The following LARP1 variants were observed in gnomAD, a reference collection of about 807,000 sequenced individuals.
The protein encoded by LARP1 is La ribonucleoprotein 1, translational regulator.
In LARP1, 36 loss-of-function variants were observed where a neutral mutation model predicts 122.7. The ratio of observed to expected loss-of-function variants is 0.29; its 90% CI spans 0.22 to 0.39. The LOEUF is 0.39. Among genes scored for constraint, LARP1 ranks in the 10% least tolerant of loss-of-function variants. The probability of loss-of-function intolerance (pLI) is 1.00; values close to 1 mark genes in which losing one functional copy is unlikely to be tolerated. For missense variants in LARP1, 1,040 were observed against 1,403.6 expected (o/e 0.74, Z 4.14); for synonymous variants, 539 against 528.7 (o/e 1.02, Z -0.27).
At chr5:154,685,928 G>T in intron 1 of LARP1, 1 of 483,044 alleles carries the variant, frequency 2.1e-6, no homozygotes, top group South Asian at 1.6e-5. Flanking sequence ...AAGCTACCTC[G>T]TGATTCGGTT....
At chr5:154,697,316 G>A (rs1276917205) in intron 1 of LARP1, among the ~76,000 whole-genome samples, 1 of 151,750 alleles carries the variant, frequency 6.6e-6, no homozygotes, top group African/African-American at 2.4e-5. Flanking sequence ...AGAGAGTTTG[G>A]GATTCCAAGA....
At chr5:154,764,580 A>G (rs1236538892) in intron 1 of LARP1, among the ~76,000 whole-genome samples, 1 of 119,584 alleles carries the variant, frequency 8.4e-6, no homozygotes, top group African/African-American at 3.3e-5. Flanking sequence ...TAGGCAATGC[A>G]GTGAGACCAT....
intron 10 of LARP1, among the ~76,000 whole-genome samples, chr5:154,801,195 T>C (rs562058655): frequency 2.8e-4 from 42 of 152,336 alleles, no homozygotes; most frequent in African/African-American, 1.0e-3. Flanking sequence ...AACAAATAGT[T>C]TTTCTTTGCT....
At chr5:154,776,347 G>C (rs768707039) in intron 1 of LARP1, among the ~76,000 whole-genome samples, 4 of 152,180 alleles carry the variant, frequency 2.6e-5, no homozygotes, top group Non-Finnish European at 5.9e-5. Flanking sequence ...CCTCATATCT[G>C]TCAGGACACT....
intron 8 of LARP1, 74 bp downstream of exon 8, chr5:154,795,393 A>G: frequency 1.3e-6 from 2 of 1,497,002 alleles, no homozygotes; most frequent in South Asian, 1.2e-5. Context: ...GGGCCAAGGC[A>G]GAAAGCCCTG....
upstream of LARP1, among the ~76,000 whole-genome samples, chr5:154,754,923 A>T (rs1044988160): frequency 3.7e-4 from 57 of 152,256 alleles, no homozygotes; most frequent in Non-Finnish European, 6.5e-4. Flanking sequence ...CTTCCCCTGA[A>T]TCTGACACCC....
intron 1 of LARP1, among the ~76,000 whole-genome samples, chr5:154,747,177 G>A (rs910115637): frequency 6.6e-6 from 1 of 151,834 alleles, no homozygotes; most frequent in African/African-American, 2.4e-5. Flanking sequence ...GAGGTGGCGG[G>A]CACCTGTAAT....
upstream of LARP1, among the ~76,000 whole-genome samples, chr5:154,753,997 C>T (rs1182172847): frequency 2.6e-5 from 4 of 152,222 alleles, no homozygotes; most frequent in African/African-American, 7.2e-5. Flanking sequence ...AGGACTTCTC[C>T]AAGTGAAGTC....
intron 3 of LARP1, among the ~76,000 whole-genome samples, chr5:154,791,770 A>G (rs140206959): frequency 6.6e-6 from 1 of 152,194 alleles, no homozygotes; most frequent in Non-Finnish European, 1.5e-5. Context: ...CAGGTTTCAC[A>G]TCCTGCTAAT....
intron 1 of LARP1, among the ~76,000 whole-genome samples, chr5:154,716,820 G>A (rs533598435): frequency 6.6e-6 from 1 of 152,166 alleles, no homozygotes; most frequent in Non-Finnish European, 1.5e-5. Flanking sequence ...AGCACTTTGC[G>A]GGGCTAAGGC....
In LARP1 at chr5:154,793,979, C is replaced by T. The variant is rs371532945; in HGVS notation, c.1048C>T (p.Arg350Cys). ...ACGGGGGCGTGGTCGCGGCCGGGGA[C>T]GCGGCCGGGGTGGCACTCGAAGTAC... The part of the protein sequence containing the change: ...RGRGRGRGRG[R>C]GRGGTRTHFD... Residue 350 changes from arginine (R) to cysteine (C), a missense_variant, in exon 6 of 19, where the codon CGC becomes TGC. By Grantham distance (180) the Arg-to-Cys change is radical. Around this residue, in one of 8 missense-constraint regions of LARP1, gnomAD observed 178 missense variants for 178.3 expected, o/e 1.00. Transcript: ENST00000518297. 10 of 1,610,634 alleles carry T rather than the reference C, an allele frequency of 6.2e-6. No homozygotes were observed. The highest frequency in any genetic ancestry group is 5.3e-5 in the African/African-American group (4 of 74,780).
At chr5:154,701,820 A>G (rs1561534002) in intron 1 of LARP1, among the ~76,000 whole-genome samples, 1 of 151,992 alleles carries the variant, frequency 6.6e-6, no homozygotes, top group Non-Finnish European at 1.5e-5. Context: ...ATGGGGTTTC[A>G]CTATGTTGGC....
Position 154,793,528 on chromosome 5 carries a change from T to C in LARP1, c.740-67T>C, listed in dbSNP as rs1179834581. 16 of 1,601,992 alleles carry C rather than the reference T, an allele frequency of 1.0e-5. No homozygotes were observed. The African/African-American group carries it at 2.2e-4, about 22-fold the overall frequency. ...CAAGTCCAGGGCAGAAGAAGAGGAG[T>C]TGGGTAGAGCTGGCTAGGAGTGGCC... On this transcript the variant is annotated intron_variant, in intron 4 of 18. Transcript: ENST00000518297.
At chr5:154,720,667 G>A (rs1049338564) in intron 1 of LARP1, among the ~76,000 whole-genome samples, 2 of 151,958 alleles carry the variant, frequency 1.3e-5, no homozygotes, top group East Asian at 1.9e-4. Flanking sequence ...AGCTGAGATC[G>A]TGCCACTGCA....
At chr5:154,711,232 C>T (rs1319835006), upstream of LARP1, among the ~76,000 whole-genome samples, 2 of 151,566 alleles carry the variant, frequency 1.3e-5, no homozygotes, top group African/African-American at 2.4e-5. Flanking sequence ...ACCTCCAGCT[C>T]CCGGGTTCAA....
chr5:154,782,705 C>A (rs1039407933), intron 1 of LARP1, among the ~76,000 whole-genome samples: 5 of 152,202 alleles, frequency 3.3e-5, no homozygotes, highest in African/African-American at 1.2e-4. Context: ...TCTGCCCACT[C>A]CTCTCCCTAA....
At chr5:154,713,864 G>T (rs528203599) in intron 1 of LARP1, among the ~76,000 whole-genome samples, 2 of 152,340 alleles carry the variant, frequency 1.3e-5, no homozygotes, top group African/African-American at 4.8e-5. Flanking sequence ...GGGAAGCCTG[G>T]TTGGGGGAGC....
At chr5:154,683,890 A>G (rs985340607) in intron 1 of LARP1, among the ~76,000 whole-genome samples, 4 of 152,160 alleles carry the variant, frequency 2.6e-5, no homozygotes, top group South Asian at 4.1e-4. Flanking sequence ...AGCATACAGC[A>G]CCTCGTCTTT....
At position 154,807,918 on chromosome 5, in the gene LARP1, C is replaced by T. The variant is rs114810373; in HGVS notation, c.2699-541C>T. Among the ~76,000 whole-genome samples the T allele has an allele frequency of 5.6e-3, 859 of 152,284 alleles. 6 individuals carry two copies. The highest frequency in any genetic ancestry group is 0.012 in the African/African-American group (511 of 41,562). ...GTTGTAGGAATTCCTTTATCAAATACGTGATTTGCAAATATTTTCTCTGAT... is the reference window on the plus strand; with the variant it reads ...GTTGTAGGAATTCCTTTATCAAATATGTGATTTGCAAATATTTTCTCTGAT... On this transcript the variant is annotated intron_variant, in intron 15 of 18. Coordinates refer to ENST00000518297, the MANE Select transcript of LARP1 (RefSeq NM_033551.3).
Sources: gnomAD v4.1 joint callset for allele counts (sites outside exome capture counted in the v4.1 genomes callset) on GRCh38, gnomAD v4.1.1 for gene constraint, gnomAD v4.1.1 regional missense constraint, MANE v1.5 for transcripts, NCBI Gene and HGNC (gene_info 2026-07-23, HGNC 2026-07-21) for gene names.